ACAD10: variants seen among roughly 807,000 people sequenced by gnomAD.
ACAD10 encodes acyl-CoA dehydrogenase family member 10.
ACAD10 carries 112 observed loss-of-function variants against 116.8 expected under a neutral mutation model. That is an observed-to-expected ratio of 0.96 (90% CI 0.82 to 1.12). The LOEUF is 1.12. Ranked by LOEUF, ACAD10 falls within the 50% of genes most tolerant of loss-of-function variation. The pLI is 0.00. For missense variants in ACAD10, 1,259 were observed against 1,350.2 expected, an observed-to-expected ratio of 0.93 and a Z score of 1.06; for synonymous variants, 486 against 510.6, an observed-to-expected ratio of 0.95 and a Z score of 0.65.
chr12:111,715,002 G>A (rs1033497959), intron 6 of ACAD10, among the ~76,000 whole-genome samples: 6 of 152,042 alleles, frequency 3.9e-5, no homozygotes, highest in Non-Finnish European at 5.9e-5. Context: ...ATGAGCCTCC[G>A]CACCTGGCCA....
At chr12:111,691,172 T>C (rs1214304715) in intron 1 of ACAD10, 3 of 152,202 alleles carry the variant, frequency 2.0e-5, no homozygotes, top group Non-Finnish European at 4.4e-5. Flanking sequence ...TATATAGGTA[T>C]GCATCTGTAT....
chr12:111,698,090 G>T (rs764680427), intron 2 of ACAD10, among the ~76,000 whole-genome samples: 1 of 151,246 alleles, frequency 6.6e-6, no homozygotes. Context: ...TGTCTCCCTG[G>T]TTCAAGCTAT....
At chr12:111,696,065 A>AT (rs1010908541) in intron 2 of ACAD10, among the ~76,000 whole-genome samples, 116 of 146,080 alleles carry the variant, frequency 7.9e-4, no homozygotes, top group African/African-American at 8.7e-4. Flanking sequence ...GTACTATACT[A>AT]TTTTTTTTTT....
chr12:111,755,892 C>G, intron 20 of ACAD10, 147 bp downstream of exon 20: 1 of 842,764 alleles, frequency 1.2e-6, no homozygotes, highest in Non-Finnish European at 1.9e-6. Context: ...TTTTCCTCTT[C>G]AGAATGACCC....
At chr12:111,711,126 T>C (rs1439244044) in intron 5 of ACAD10, among the ~76,000 whole-genome samples, 2 of 152,216 alleles carry the variant, frequency 1.3e-5, no homozygotes, top group African/African-American at 2.4e-5. Flanking sequence ...TTAAAGACTT[T>C]CCTTATTATT....
At position 111,756,374 on chromosome 12, in the gene ACAD10, T is replaced by C. The variant is rs777903556; in HGVS notation, c.3081T>C (p.Ala1027=). Residue 1027 remains alanine (A), a synonymous_variant, in exon 21 of 21, where the codon GCT becomes GCC. Coordinates refer to ENST00000313698, the MANE Select transcript of ACAD10 (RefSeq NM_025247.6). ...AAGLSSDYPL[A]QFFTWARALR... is the part of the protein sequence containing the mutation. The stretch of plus-strand genomic sequence containing the variant: ...GCCTGAGCAGCGACTACCCACTGGC[T>C]CAGTTCTTCACCTGGGCCCGAGCCC... The C allele has an allele frequency of 4.3e-6, 7 of 1,611,438 alleles. No homozygotes were observed. In the African/African-American group the frequency reaches 9.3e-5, roughly 22 times the overall value.
intron 5 of ACAD10, among the ~76,000 whole-genome samples, 187 bp from the exon 6 acceptor site, chr12:111,712,311 A>C (rs541323689): frequency 6.6e-6 from 1 of 152,292 alleles, no homozygotes; most frequent in East Asian, 1.9e-4. Context: ...CTCCTAGGAA[A>C]CAGATAGGAG....
chr12:111,697,536 T>G (rs1468532580), intron 2 of ACAD10, among the ~76,000 whole-genome samples: 2 of 151,296 alleles, frequency 1.3e-5, no homozygotes, highest in Non-Finnish European at 3.0e-5. Flanking sequence ...AATTTTTGTA[T>G]TTTCAGTAGA....
intron 8 of ACAD10, among the ~76,000 whole-genome samples, chr12:111,723,038 C>A: frequency 7.2e-6 from 1 of 139,288 alleles, no homozygotes; most frequent in East Asian, 2.3e-4. Flanking sequence ...ACCTCCCTCC[C>A]GGACGGGGCG....
At chr12:111,705,132 T>G (rs1593021012) in intron 3 of ACAD10, among the ~76,000 whole-genome samples, 2 of 152,136 alleles carry the variant, frequency 1.3e-5, no homozygotes, top group Non-Finnish European at 2.9e-5. Flanking sequence ...TTACATATAC[T>G]TCATATACTT....
chr12:111,688,655 A>G (rs1041848108), intron 1 of ACAD10, among the ~76,000 whole-genome samples: 6 of 151,990 alleles, frequency 3.9e-5, no homozygotes, highest in African/African-American at 1.5e-4. Context: ...AATACAAAAA[A>G]TTAGCTGGAT....
At chr12:111,702,332 A>G (rs531885737) in intron 3 of ACAD10, 22 bp downstream of exon 3, 1 of 1,605,466 alleles carries the variant, frequency 6.2e-7, no homozygotes. Flanking sequence ...ACATACCTAC[A>G]TTTCCATATT....
At chr12:111,746,082 C>T in intron 13 of ACAD10, 62 bp from the exon 14 acceptor site, 1 of 1,575,218 alleles carries the variant, frequency 6.3e-7, no homozygotes, top group Non-Finnish European at 8.6e-7. Context: ...CATTGTTTTC[C>T]ACGGTTCAAA....
chr12:111,692,552 A>G (rs1888081720), intron 1 of ACAD10, 145 bp from the exon 2 acceptor site: 4 of 748,258 alleles, frequency 5.3e-6, no homozygotes, highest in African/African-American at 5.3e-5. Flanking sequence ...GAGGGAGGAG[A>G]CACTGAGGTC....
rs148932082 is a variant in ACAD10 at position 111,689,320 on chromosome 12, T to C, written c.-14+3081T>C. ...CTGTGTAAATAAATAGTTGTTAACC[T>C]GTATTTTTTGTTTGCATTTTTTATT... On this transcript the variant is annotated intron_variant, in intron 1 of 20. Transcript: ENST00000313698. Among the ~76,000 whole-genome samples the C allele has an allele frequency of 5.0e-3, 764 of 152,168 alleles. 2 individuals carry two copies. The highest frequency in any genetic ancestry group is 0.017 in the African/African-American group (720 of 41,520).
intron 2 of ACAD10, among the ~76,000 whole-genome samples, chr12:111,697,831 G>A (rs1468407769): frequency 2.0e-5 from 3 of 151,662 alleles, no homozygotes; most frequent in East Asian, 1.9e-4. Context: ...TGGTCCGCCC[G>A]CCTTGGCCTC....
rs1472830711 is a variant in ACAD10, at chr12:111,709,469, G to A, written c.532-57G>A. ...TTCCTCTCAAAAAGTTTACCAGCATGCATGTGGGAGCTCCACCTTTCGGGA... is the reference window on the plus strand; with the variant it reads ...TTCCTCTCAAAAAGTTTACCAGCATACATGTGGGAGCTCCACCTTTCGGGA... On this transcript the variant is annotated intron_variant, in intron 4 of 20. Coordinates refer to ENST00000313698, the MANE Select transcript of ACAD10 (RefSeq NM_025247.6). 4 of 1,430,178 alleles carry A rather than the reference G, an allele frequency of 2.8e-6. No homozygotes were observed. In the Admixed American group the frequency reaches 1.1e-4, roughly 38 times the overall value. The allele number at this position is 1,430,178 out of a possible 1,614,324, so 88.6% of individuals were successfully genotyped here. A position where few individuals can be genotyped will look rare whatever the true frequency, so the allele number is the denominator to read the frequency against.
At chr12:111,703,611 G>A (rs981309442) in intron 3 of ACAD10, among the ~76,000 whole-genome samples, 3 of 152,082 alleles carry the variant, frequency 2.0e-5, no homozygotes, top group Non-Finnish European at 2.9e-5. Flanking sequence ...GCCAAGGAGG[G>A]CGGATCACCT....
In ACAD10 at chr12:111,745,056, T is replaced by G. The variant is rs1889852919; in HGVS notation, c.2115+13T>G. 2 of 1,606,768 alleles carry G rather than the reference T, an allele frequency of 1.2e-6. No individual in the cohort carries two copies. The highest frequency in any genetic ancestry group is 2.2e-5 in the South Asian group (2 of 90,900). On this transcript the variant is annotated intron_variant, in intron 13 of 20. Coordinates refer to ENST00000313698, the MANE Select transcript of ACAD10 (RefSeq NM_025247.6). The stretch of plus-strand genomic sequence containing the variant: ...CGAAGACCTCAAGGTAAAGCAGCCA[T>G]GGTGAGGTGGTAAGACCCCAATACC...
Sources: allele counts gnomAD v4.1 joint callset (sites outside exome capture counted in the v4.1 genomes callset), GRCh38; gene constraint gnomAD v4.1.1; transcripts MANE v1.5; gene names NCBI Gene and HGNC (gene_info 2026-07-23, HGNC 2026-07-21).